The following FTO variants were observed in gnomAD, a reference collection of about 807,000 sequenced individuals.
FTO encodes the protein alpha-ketoglutarate-dependent dioxygenase FTO.
FTO carries 47 observed loss-of-function variants against 63.9 expected under a neutral mutation model. That is an observed-to-expected ratio of 0.74 (90% CI 0.58 to 0.94). FTO has a LOEUF of 0.94. Among genes scored for constraint, FTO ranks in the 40% least tolerant of loss-of-function variants. The probability of loss-of-function intolerance (pLI) is 0.00; values close to 1 mark genes in which losing one functional copy is unlikely to be tolerated. For synonymous variants in FTO, 207 were observed against 224.4 expected, an observed-to-expected ratio of 0.92 and a Z score of 0.69; for missense variants, 562 against 618.1, an observed-to-expected ratio of 0.91 and a Z score of 0.96.
chr16:54,003,166 G>A (rs2084109094), intron 8 of FTO, among the ~76,000 whole-genome samples: 1 of 152,230 alleles, frequency 6.6e-6, no homozygotes, highest in Non-Finnish European at 1.5e-5. Flanking sequence ...CTGGATGGCA[G>A]GAGGGACTCT....
chr16:53,891,028 T>C (rs1197155537), intron 7 of FTO, among the ~76,000 whole-genome samples: 5 of 151,932 alleles, frequency 3.3e-5, no homozygotes, highest in African/African-American at 1.2e-4. Flanking sequence ...TCTTGCTCTG[T>C]TGCCCAGGCT....
chr16:54,091,394 G>A (rs2086380327), intron 8 of FTO, among the ~76,000 whole-genome samples: 1 of 152,060 alleles, frequency 6.6e-6, no homozygotes, highest in African/African-American at 2.4e-5. Context: ...AATAAAATAA[G>A]CCGGAAATGG....
At chr16:53,839,181 T>G (rs1313148386) in intron 3 of FTO, among the ~76,000 whole-genome samples, 1 of 152,232 alleles carries the variant, frequency 6.6e-6, no homozygotes, top group Non-Finnish European at 1.5e-5. Context: ...AACTTAACAG[T>G]CTTTTGTATG....
intron 1 of FTO, among the ~76,000 whole-genome samples, chr16:53,743,929 C>CTT (rs1567948420): frequency 6.6e-6 from 1 of 151,916 alleles, no homozygotes; most frequent in East Asian, 1.9e-4. Context: ...TAGTTGTGGG[C>CTT]AGAGTTTTGA....
intron 4 of FTO, among the ~76,000 whole-genome samples, chr16:53,851,864 C>G (rs1315381115): frequency 6.6e-6 from 1 of 151,952 alleles, no homozygotes; most frequent in Non-Finnish European, 1.5e-5. Context: ...AAAAACTCCA[C>G]CTATCCCCAA....
At chr16:53,902,014 A>T (rs888514715) in intron 7 of FTO, among the ~76,000 whole-genome samples, 1 of 152,168 alleles carries the variant, frequency 6.6e-6, no homozygotes, top group African/African-American at 2.4e-5. Context: ...AACTGAAGAA[A>T]GTCACACCAG....
At chr16:53,872,643 C>A (rs2080533062) in intron 4 of FTO, among the ~76,000 whole-genome samples, 1 of 152,228 alleles carries the variant, frequency 6.6e-6, no homozygotes, top group Non-Finnish European at 1.5e-5. Flanking sequence ...AATCTTGTCA[C>A]TGTTACTTCA....
chr16:53,843,674 A>G (rs959309880), intron 3 of FTO, among the ~76,000 whole-genome samples: 3 of 152,188 alleles, frequency 2.0e-5, no homozygotes, highest in East Asian at 1.9e-4. Flanking sequence ...CCATTCATCT[A>G]AAAAATGATC....
At chr16:53,970,721 A>G (rs748906707) in intron 8 of FTO, among the ~76,000 whole-genome samples, 1 of 152,092 alleles carries the variant, frequency 6.6e-6, no homozygotes, top group Non-Finnish European at 1.5e-5. Context: ...ATTACCTTAC[A>G]GAGGTGTGGG....
intron 1 of FTO, among the ~76,000 whole-genome samples, chr16:53,707,935 T>C (rs2075667828): frequency 6.6e-6 from 1 of 152,244 alleles, no homozygotes; most frequent in Non-Finnish European, 1.5e-5. Flanking sequence ...TAGATTTGCC[T>C]TTTCTGGACA....
At chr16:53,926,071 A>G (rs574524426) in intron 7 of FTO, among the ~76,000 whole-genome samples, 1 of 152,264 alleles carries the variant, frequency 6.6e-6, no homozygotes, top group Non-Finnish European at 1.5e-5. Flanking sequence ...GTGTGTTGCC[A>G]GAATCCAAAC....
intron 8 of FTO, among the ~76,000 whole-genome samples, chr16:54,094,138 G>T (rs2086458894): frequency 1.3e-5 from 2 of 152,154 alleles, no homozygotes; most frequent in Non-Finnish European, 2.9e-5. Flanking sequence ...GAGACTACAA[G>T]ACAGTAAGTA....
rs186813927 is a variant in FTO at position 53,745,556 on chromosome 16, T to C, written c.45+41327T>C. On this transcript the variant is annotated intron_variant, in intron 1 of 8. Coordinates refer to ENST00000471389, the MANE Select transcript of FTO (RefSeq NM_001080432.3). Reference sequence around the variant, plus strand: ...ATGTTTATTGAGCACCTTAAAAGCATTGTATGTCCACAAAGATAAGATAGA... The same window carrying C: ...ATGTTTATTGAGCACCTTAAAAGCACTGTATGTCCACAAAGATAAGATAGA... Among the ~76,000 whole-genome samples, 3 of 152,324 alleles carry C rather than the reference T, an allele frequency of 2.0e-5. No individual in the cohort carries two copies. The East Asian group carries it at 5.8e-4, about 29-fold the overall frequency.
At chr16:53,735,111 A>G (rs2076361062) in intron 1 of FTO, among the ~76,000 whole-genome samples, 1 of 152,252 alleles carries the variant, frequency 6.6e-6, no homozygotes, top group African/African-American at 2.4e-5. Context: ...GGCTTCTGCC[A>G]TACTCAATTA....
chr16:54,097,024 A>G (rs1380667605), intron 8 of FTO, among the ~76,000 whole-genome samples: 1 of 152,314 alleles, frequency 6.6e-6, no homozygotes. Context: ...CCTCATTTTC[A>G]AACTGGGATT....
chr16:53,790,015 A>C (rs1178865517), intron 1 of FTO, among the ~76,000 whole-genome samples: 1 of 149,662 alleles, frequency 6.7e-6, no homozygotes, highest in Non-Finnish European at 1.5e-5. Flanking sequence ...ATGTATAGTT[A>C]TATATACACA....
At chr16:53,970,798 T>C (rs1406333877) in intron 8 of FTO, among the ~76,000 whole-genome samples, 1 of 152,134 alleles carries the variant, frequency 6.6e-6, no homozygotes, top group East Asian at 1.9e-4. Context: ...GTTTTCAGTG[T>C]TGGCAGATAA....
At chr16:53,955,438 G>A (rs2082906555) in intron 8 of FTO, among the ~76,000 whole-genome samples, 1 of 152,116 alleles carries the variant, frequency 6.6e-6, no homozygotes, top group African/African-American at 2.4e-5. Context: ...GAACTTTTTA[G>A]GGAAGCCTCA....
chr16:53,783,716 A>G (rs1286615175), intron 1 of FTO, among the ~76,000 whole-genome samples: 11 of 151,942 alleles, frequency 7.2e-5, no homozygotes, highest in Admixed American at 7.2e-4. Flanking sequence ...TGAACCCGAA[A>G]GGTGGAGGTT....
Sources: allele counts gnomAD v4.1 joint callset (sites outside exome capture counted in the v4.1 genomes callset), GRCh38; gene constraint gnomAD v4.1.1; transcripts MANE v1.5; gene names NCBI Gene and HGNC (gene_info 2026-07-23, HGNC 2026-07-21).